NEBL: variants seen among roughly 807,000 people sequenced by gnomAD.
The protein encoded by NEBL is LIM and SH3 protein 2.
NEBL carries 122 observed loss-of-function variants against 140.2 expected under a neutral mutation model. That is an observed-to-expected ratio of 0.87 (90% CI 0.75 to 1.01). The LOEUF is 1.01. Ranked by LOEUF, NEBL falls within the 50% of genes least tolerant of loss-of-function variation. The pLI, the probability that NEBL is intolerant of heterozygous loss-of-function variation, is 0.00. For missense variants in NEBL, 1,365 were observed against 1,231.3 expected, an observed-to-expected ratio of 1.11 and a Z score of -1.62; for synonymous variants, 436 against 398.9, an observed-to-expected ratio of 1.09 and a Z score of -1.11.
chr10:20,957,582 C>T (rs1167412863), intron 4 of NEBL, among the ~76,000 whole-genome samples: 4 of 152,026 alleles, frequency 2.6e-5, no homozygotes, highest in East Asian at 1.9e-4. Context: ...CTATACTGAT[C>T]TAGGAAAATG....
intron 2 of NEBL, among the ~76,000 whole-genome samples, chr10:21,067,178 A>T (rs184826119): frequency 1.3e-5 from 2 of 151,930 alleles, no homozygotes; most frequent in African/African-American, 4.8e-5. Context: ...TCACCGTGTT[A>T]GCCAGGATGG....
At chr10:20,822,742 CA>C (rs1253626838) in intron 19 of NEBL, among the ~76,000 whole-genome samples, 1 of 151,546 alleles carries the variant, frequency 6.6e-6, no homozygotes, top group Non-Finnish European at 1.5e-5. Context: ...AATGACAAAA[CA>C]AAAAAGAAAA....
chr10:21,257,844 C>T (rs1376357757), intron 1 of NEBL, among the ~76,000 whole-genome samples: 1 of 151,766 alleles, frequency 6.6e-6, no homozygotes, highest in African/African-American at 2.4e-5. Flanking sequence ...TGGATCGCGC[C>T]ACTGCACTCC....
At chr10:20,866,926 C>A (rs1844353763) in intron 7 of NEBL, among the ~76,000 whole-genome samples, 1 of 152,050 alleles carries the variant, frequency 6.6e-6, no homozygotes, top group South Asian at 2.1e-4. Context: ...ATGGTAAGAA[C>A]AACATTGGAC....
chr10:20,894,581 T>G (rs1435183540), intron 2 of NEBL, among the ~76,000 whole-genome samples: 2 of 151,974 alleles, frequency 1.3e-5, no homozygotes, highest in African/African-American at 2.4e-5. Context: ...TATAGAATTC[T>G]ATTCGGAAGC....
At chr10:21,188,658 T>C (rs1482831323) in intron 3 of NEBL, among the ~76,000 whole-genome samples, 2 of 147,904 alleles carry the variant, frequency 1.4e-5, no homozygotes. Flanking sequence ...TGGAGTGCAA[T>C]GGCACAATTC....
intron 2 of NEBL, among the ~76,000 whole-genome samples, chr10:20,891,259 C>G (rs145671509): frequency 2.0e-5 from 3 of 152,132 alleles, no homozygotes; most frequent in Non-Finnish European, 4.4e-5. Flanking sequence ...GAAATCAACA[C>G]GAGAACATAT....
intron 3 of NEBL, among the ~76,000 whole-genome samples, chr10:21,231,495 C>T (rs540744710): frequency 5.3e-5 from 8 of 151,656 alleles, no homozygotes; most frequent in African/African-American, 1.5e-4. Flanking sequence ...GCCGAGATGG[C>T]GCCACTGCAC....
chr10:20,857,762 A>G (rs573522256), intron 9 of NEBL, among the ~76,000 whole-genome samples: 2 of 152,184 alleles, frequency 1.3e-5, no homozygotes, highest in African/African-American at 2.4e-5. Flanking sequence ...GGAAACCATG[A>G]CAAGACTAAA....
At chr10:21,058,533 G>T (rs1037434868) in intron 2 of NEBL, among the ~76,000 whole-genome samples, 1 of 152,014 alleles carries the variant, frequency 6.6e-6, no homozygotes, top group African/African-American at 2.4e-5. Flanking sequence ...TGGAAACAAT[G>T]ACAGTGTAGA....
chr10:20,969,789 TC>T (rs1836490713), intron 3 of NEBL, among the ~76,000 whole-genome samples: 2 of 152,140 alleles, frequency 1.3e-5, no homozygotes, highest in Non-Finnish European at 2.9e-5. Context: ...AAGTGATCTG[TC>T]CTCCTTGGCT....
At position 20,859,812 on chromosome 10, in the gene NEBL, TTC is replaced by T; in HGVS notation, c.697_698del (p.Glu233LysfsTer3). 6.7e-7 allele frequency: 1 copy of T among 1,502,428 alleles called. No homozygotes were observed. The highest frequency in any genetic ancestry group is 9.2e-7 in the Non-Finnish European group (1 of 1,081,800). 93.1% of individuals were successfully genotyped at this position (1,502,428 alleles called of 1,614,324 possible). A position where few individuals can be genotyped will look rare whatever the true frequency, so the allele number is the denominator to read the frequency against. ...TATCCTTCATTTCATTATCAAATTT[TTC>T]TTTGTATTTAATCTGTCATAAAAGA... ...SKLSSQIKYK[E>X]KFDNEMKDKK... On this transcript the variant is annotated frameshift_variant, in exon 8 of 28. Coordinates refer to ENST00000377122, the MANE Select transcript of NEBL (RefSeq NM_006393.3). LOFTEE classifies it high-confidence loss of function.
At chr10:21,245,253 G>C (rs899497002) in intron 3 of NEBL, among the ~76,000 whole-genome samples, 10 of 152,186 alleles carry the variant, frequency 6.6e-5, no homozygotes, top group Admixed American at 2.6e-4. Flanking sequence ...CAACCTAAGA[G>C]AGCAGAAATC....
chr10:21,122,039 G>GTTGTTGTTT (rs1184003103), intron 2 of NEBL, among the ~76,000 whole-genome samples: 1 of 150,766 alleles, frequency 6.6e-6, no homozygotes, highest in African/African-American at 2.5e-5. Context: ...TGTTGTTGTT[G>GTTGTTGTTT]TTTTGAGACA....
At chr10:20,972,263 T>C (rs562549945) in intron 3 of NEBL, among the ~76,000 whole-genome samples, 15 of 152,326 alleles carry the variant, frequency 9.8e-5, no homozygotes, top group African/African-American at 1.9e-4. Context: ...TCAATGTTTC[T>C]AGATATGTAG....
chr10:20,953,150 T>G (rs1261939329), intron 4 of NEBL, among the ~76,000 whole-genome samples: 1 of 152,144 alleles, frequency 6.6e-6, no homozygotes, highest in Non-Finnish European at 1.5e-5. Flanking sequence ...GTTGAAGCCC[T>G]AACCACCAAT....
intron 7 of NEBL, chr10:20,868,058 A>AAC (rs2131221532): frequency 6.6e-6 from 1 of 151,738 alleles, no homozygotes; most frequent in Non-Finnish European, 1.5e-5. Flanking sequence ...ATATTAAAAA[A>AAC]AAAAAAAAAC....
intron 22 of NEBL, among the ~76,000 whole-genome samples, chr10:20,814,847 A>T (rs1236358322): frequency 2.0e-5 from 3 of 152,298 alleles, no homozygotes; most frequent in South Asian, 4.2e-4. Flanking sequence ...AGCAGCCACA[A>T]CTTAAAGGTA....
At chr10:21,024,036 A>C (rs776528559) in intron 2 of NEBL, among the ~76,000 whole-genome samples, 12 of 151,778 alleles carry the variant, frequency 7.9e-5, no homozygotes, top group Non-Finnish European at 1.3e-4. Context: ...TATGAGCATC[A>C]AAGTTCTATT....
Sources: gnomAD v4.1 joint callset for allele counts (sites outside exome capture counted in the v4.1 genomes callset) on GRCh38, gnomAD v4.1.1 for gene constraint, MANE v1.5 for transcripts, NCBI Gene and HGNC (gene_info 2026-07-23, HGNC 2026-07-21) for gene names.